DISC1: variants seen among roughly 807,000 people sequenced by gnomAD.
DISC1 encodes disrupted in schizophrenia 1 protein.
Under a neutral mutation model 84.5 loss-of-function variants are expected in DISC1, and 57 were observed. The observed-to-expected ratio is 0.67, with a 90% confidence interval of 0.55 to 0.84. The LOEUF is 0.84. Among genes scored for constraint, DISC1 ranks in the 40% least tolerant of loss-of-function variants. The pLI, the probability that DISC1 is intolerant of heterozygous loss-of-function variation, is 0.00. For missense variants in DISC1, 1,000 were observed against 1,057.8 expected (o/e 0.95, Z 0.76); for synonymous variants, 411 against 415.2 (o/e 0.99, Z 0.12).
chr1:231,956,861 A>G (rs899929275), intron 9 of DISC1, among the ~76,000 whole-genome samples: 1 of 152,154 alleles, frequency 6.6e-6, no homozygotes, highest in African/African-American at 2.4e-5. Context: ...ACACCTACAC[A>G]GGGCCTCTCC....
At chr1:231,842,832 A>T (rs1220609079) in intron 9 of DISC1, among the ~76,000 whole-genome samples, 6 of 152,202 alleles carry the variant, frequency 3.9e-5, no homozygotes, top group African/African-American at 1.4e-4. Flanking sequence ...TTAAAGAAAA[A>T]AATATATAGG....
At chr1:231,861,467 T>G (rs2084644403) in intron 9 of DISC1, among the ~76,000 whole-genome samples, 1 of 148,062 alleles carries the variant, frequency 6.8e-6, no homozygotes, top group Non-Finnish European at 1.5e-5. Flanking sequence ...TTTTTTTTTT[T>G]TTTTTTTTTT....
Position 231,783,336 on chromosome 1 carries a change from A to G in DISC1, c.1635-11906A>G, listed in dbSNP as rs111582538. ...ATTTATTTCCTTATTATTGTAAAAA[A>G]GAATCATTAAAGAACTTGTGAGGAA... On this transcript the variant is annotated intron_variant, in intron 6 of 12. Transcript: ENST00000439617. Among the ~76,000 whole-genome samples the G allele has an allele frequency of 3.0e-3, 460 of 152,326 alleles. 4 individuals carry two copies. The highest frequency in any genetic ancestry group is 0.01 in the African/African-American group (436 of 41,572).
At chr1:231,766,231 A>G (rs1193126628) in intron 4 of DISC1, among the ~76,000 whole-genome samples, 1 of 148,350 alleles carries the variant, frequency 6.7e-6, no homozygotes, top group Non-Finnish European at 1.5e-5. Context: ...CTGAGGTTAC[A>G]GTGAGCCGAG....
chr1:231,762,955 G>A (rs941604218), intron 4 of DISC1, among the ~76,000 whole-genome samples: 1 of 152,162 alleles, frequency 6.6e-6, no homozygotes, highest in Non-Finnish European at 1.5e-5. Flanking sequence ...AGGTAAGTGC[G>A]GTGACACGGT....
intron 2 of DISC1, 146 bp downstream of exon 2, chr1:231,694,951 T>A: frequency 8.5e-7 from 1 of 1,171,328 alleles, no homozygotes; most frequent in Non-Finnish European, 1.2e-6. Flanking sequence ...CTGCACAGGA[T>A]GTTGCTGCAC....
chr1:231,936,550 G>C (rs895605341), intron 9 of DISC1, among the ~76,000 whole-genome samples: 5 of 152,160 alleles, frequency 3.3e-5, no homozygotes, highest in African/African-American at 1.2e-4. Context: ...ATGTCATGAA[G>C]AGTTGCATAA....
intron 9 of DISC1, chr1:231,819,047 T>A: frequency 1.0e-6 from 1 of 988,488 alleles, no homozygotes; most frequent in Non-Finnish European, 1.2e-6. Context: ...CAAGTGTTCC[T>A]GTGTTCTTTC....
chr1:231,972,306 G>A (rs1662097189), intron 10 of DISC1, among the ~76,000 whole-genome samples: 1 of 152,210 alleles, frequency 6.6e-6, no homozygotes, highest in African/African-American at 2.4e-5. Context: ...ATGTGCTTCT[G>A]TAAGATGTCT....
intron 9 of DISC1, among the ~76,000 whole-genome samples, chr1:231,848,979 C>T (rs2083666195): frequency 6.6e-6 from 1 of 152,178 alleles, no homozygotes; most frequent in African/African-American, 2.4e-5. Context: ...CAAGAACTGA[C>T]AGTCTTTTGA....
intron 1 of DISC1, among the ~76,000 whole-genome samples, chr1:231,635,962 C>T (rs192411119): frequency 4.5e-4 from 69 of 152,160 alleles, no homozygotes; most frequent in Admixed American, 4.0e-3. Context: ...CTGGGCACAT[C>T]GGGGTGTACT....
intron 9 of DISC1, among the ~76,000 whole-genome samples, chr1:231,841,341 A>G (rs1236991553): frequency 6.6e-6 from 1 of 152,242 alleles, no homozygotes; most frequent in Non-Finnish European, 1.5e-5. Context: ...CATACCTTCC[A>G]GGGGGCAAAG....
intron 1 of DISC1, among the ~76,000 whole-genome samples, chr1:231,686,251 T>G (rs545904061): frequency 3.1e-4 from 47 of 152,332 alleles, no homozygotes; most frequent in Non-Finnish European, 6.2e-4. Context: ...CTGTGGGGGC[T>G]CCAACCCCAT....
chr1:231,783,256 AG>A (rs2077571510), intron 6 of DISC1, among the ~76,000 whole-genome samples: 1 of 152,204 alleles, frequency 6.6e-6, no homozygotes, highest in African/African-American at 2.4e-5. Context: ...TTATGAGAAT[AG>A]TTGAAAATAT....
At chr1:231,973,340 C>T (rs977171532) in intron 10 of DISC1, among the ~76,000 whole-genome samples, 1 of 152,024 alleles carries the variant, frequency 6.6e-6, no homozygotes, top group Admixed American at 6.5e-5. Flanking sequence ...GCCACCGCAC[C>T]CGGCCGCCAA....
chr1:232,004,669 A>G (rs2806475), intron 10 of DISC1, among the ~76,000 whole-genome samples: 65,055 of 151,930 alleles, frequency 0.43, 17,159 homozygotes, highest in African/African-American at 0.75. Context: ...GTGGAGAAAT[A>G]CAACTTCAAA....
At chr1:231,693,522 G>A (rs2065288969) in intron 1 of DISC1, among the ~76,000 whole-genome samples, 1 of 152,202 alleles carries the variant, frequency 6.6e-6, no homozygotes, top group Non-Finnish European at 1.5e-5. Context: ...GATGTTGGAG[G>A]GTTCAGGAGC....
At chr1:231,723,299 A>G in intron 3 of DISC1, 1 of 986,412 alleles carries the variant, frequency 1.0e-6, no homozygotes, top group Non-Finnish European at 1.2e-6. Context: ...CGTGTTGTTC[A>G]AGGGTCAACC....
chr1:231,667,280 A>T (rs2062108368), intron 1 of DISC1, among the ~76,000 whole-genome samples: 1 of 152,218 alleles, frequency 6.6e-6, no homozygotes. Context: ...TAATTTGCAC[A>T]CTTGAGCTTT....
Sources: gnomAD v4.1 joint callset for allele counts (sites outside exome capture counted in the v4.1 genomes callset) on GRCh38, gnomAD v4.1.1 for gene constraint, MANE v1.5 for transcripts, NCBI Gene and HGNC (gene_info 2026-07-23, HGNC 2026-07-21) for gene names.